The following CIMAP2 variants were observed in gnomAD, a reference collection of about 807,000 sequenced individuals.
The protein encoded by CIMAP2 is ciliary microtubule associated protein 2, also known as ciliary microtubule-associated protein 2.
At chr1:54,829,282 T>G in the CIMAP2 span, among the ~76,000 whole-genome samples, 2 of 152,190 alleles carry the variant, frequency 1.3e-5, no homozygotes, top group Non-Finnish European at 1.5e-5. Context: ...AGACCTTAGT[T>G]TTCCCATCTG....
the CIMAP2 span, chr1:54,808,095 T>G: frequency 2.6e-5 from 37 of 1,402,280 alleles, no homozygotes; most frequent in African/African-American, 1.6e-4. Context: ...TACATATCCA[T>G]CCAGCCAGCC....
chr1:54,820,033 C>CTTCT, the CIMAP2 span, among the ~76,000 whole-genome samples: 4 of 105,264 alleles, frequency 3.8e-5, no homozygotes, highest in Non-Finnish European at 7.9e-5. Flanking sequence ...TCCTTCCTTC[C>CTTCT]TTCATTCATT....
chr1:54,830,626 C>T, the CIMAP2 span, among the ~76,000 whole-genome samples: 354 of 152,310 alleles, frequency 2.3e-3, 1 homozygote, highest in Non-Finnish European at 3.5e-3. This position sits in a 1 kb window ranked among gnomAD's most constrained non-coding sequence, Gnocchi z 4.1. Flanking sequence ...TTCTGCCAGG[C>T]TAAATGAAGG....
chr1:54,807,749 A>T, the CIMAP2 span: 306,536 of 1,529,442 alleles, frequency 0.2, 32,160 homozygotes, highest in East Asian at 0.27. Context: ...TGTCCATTGC[A>T]GCTGCTCTGT....
At chr1:54,815,458 TCC>T in the CIMAP2 span, among the ~76,000 whole-genome samples, 86,060 of 151,992 alleles carry the variant, frequency 0.57, 24,980 homozygotes, top group South Asian at 0.73. Context: ...GCTCCTTCCA[TCC>T]TCTGTGTTTG....
the CIMAP2 span, chr1:54,811,766 C>CCGGGGGGGCCGCGG: frequency 7.7e-7 from 1 of 1,305,190 alleles, no homozygotes; most frequent in Non-Finnish European, 1.1e-6. Context: ...GTTCTGACAG[C>CCGGGGGGGCCGCGG]CTCCATGCCC....
At chr1:54,811,765 G>GCCGGGGGGGGGGGGGGGGCGGGGGCCC in the CIMAP2 span, 1 of 1,301,332 alleles carries the variant, frequency 7.7e-7, no homozygotes, top group Non-Finnish European at 1.1e-6. Context: ...GGTTCTGACA[G>GCCGGGGGGGGGGGGGGGGCGGGGGCCC]CCTCCATGCC....
At chr1:54,833,878 C>T in the CIMAP2 span, among the ~76,000 whole-genome samples, 12 of 151,990 alleles carry the variant, frequency 7.9e-5, no homozygotes, top group Admixed American at 5.9e-4. Context: ...GATGGAGTCA[C>T]GCACTTGTTG....
chr1:54,811,765 G>GCCGGGGGGGGGGGCCCCGCCCCCCCC, the CIMAP2 span: 1 of 1,301,332 alleles, frequency 7.7e-7, no homozygotes, highest in Non-Finnish European at 1.1e-6. Flanking sequence ...GGTTCTGACA[G>GCCGGGGGGGGGGGCCCCGCCCCCCCC]CCTCCATGCC....
chr1:54,817,923 T>C, the CIMAP2 span, among the ~76,000 whole-genome samples: 1 of 152,262 alleles, frequency 6.6e-6, no homozygotes, highest in African/African-American at 2.4e-5. Flanking sequence ...GAAAGATTTT[T>C]GATAGAATGT....
chr1:54,820,009 T>TCC, the CIMAP2 span, among the ~76,000 whole-genome samples: 1 of 121,898 alleles, frequency 8.2e-6, no homozygotes, highest in Non-Finnish European at 1.6e-5. Flanking sequence ...CTCCCTCTCT[T>TCC]TTCCTTCTTT....
At chr1:54,811,766 C>CGGGGGGGGGGGGCCG in the CIMAP2 span, 1 of 1,305,188 alleles carries the variant, frequency 7.7e-7, no homozygotes, top group Non-Finnish European at 1.1e-6. Flanking sequence ...GTTCTGACAG[C>CGGGGGGGGGGGGCCG]CTCCATGCCC....
the CIMAP2 span, chr1:54,815,051 T>C: frequency 6.2e-7 from 1 of 1,613,924 alleles, no homozygotes; most frequent in Non-Finnish European, 8.5e-7. Flanking sequence ...TAAGTGGGTC[T>C]GGGGTGAGGG....
the CIMAP2 span, chr1:54,814,053 C>A: frequency 1.4e-6 from 2 of 1,464,098 alleles, no homozygotes; most frequent in Non-Finnish European, 1.8e-6. Context: ...GGTAGGGTGG[C>A]TAATTTCATA....
the CIMAP2 span, among the ~76,000 whole-genome samples, chr1:54,835,441 G>A: frequency 4.6e-5 from 7 of 151,990 alleles, no homozygotes; most frequent in Admixed American, 1.3e-4. Context: ...TGCCCGCCTC[G>A]GCCTCCCAAA....
the CIMAP2 span, among the ~76,000 whole-genome samples, chr1:54,835,895 G>C: frequency 6.6e-6 from 1 of 152,064 alleles, no homozygotes; most frequent in Admixed American, 6.5e-5. Flanking sequence ...GAGAGCAGAA[G>C]GGAAGGCTCT....
At chr1:54,810,952 C>T in the CIMAP2 span, among the ~76,000 whole-genome samples, 6 of 152,350 alleles carry the variant, frequency 3.9e-5, no homozygotes, top group Admixed American at 6.5e-5. Context: ...CCTACTGGCC[C>T]GTCCATGCTC....
At chr1:54,811,767 C>CGGGGGGGGGGGGGGGG in the CIMAP2 span, 16 of 1,088,162 alleles carry the variant, frequency 1.5e-5, no homozygotes, top group Non-Finnish European at 1.9e-5. Context: ...TTCTGACAGC[C>CGGGGGGGGGGGGGGGG]TCCATGCCCC....
chr1:54,836,481 G>A, the CIMAP2 span, among the ~76,000 whole-genome samples: 1 of 151,826 alleles, frequency 6.6e-6, no homozygotes, highest in Admixed American at 6.6e-5. Flanking sequence ...GGGCTGGAGG[G>A]GTGATCACTC....
Sources: allele counts gnomAD v4.1 joint callset (sites outside exome capture counted in the v4.1 genomes callset), GRCh38; gene constraint gnomAD v4.1.1; non-coding constraint Gnocchi (gnomAD v3.1); transcripts MANE v1.5; gene names NCBI Gene and HGNC (gene_info 2026-07-23, HGNC 2026-07-21).